KDM5A: variants seen among roughly 807,000 people sequenced by gnomAD.
KDM5A encodes the protein lysine-specific demethylase 5A.
In KDM5A, 42 loss-of-function variants were observed where a neutral mutation model predicts 193.5. The observed-to-expected ratio is 0.22, with a 90% CI of 0.17 to 0.28. The LOEUF is 0.28. KDM5A is among the 10% of genes least tolerant of loss of function. The probability of loss-of-function intolerance (pLI) is 1.00; values close to 1 mark genes in which losing one functional copy is unlikely to be tolerated. For missense variants in KDM5A, 1,692 were observed against 2,055.1 expected, an observed-to-expected ratio of 0.82 and a Z score of 3.42; for synonymous variants, 796 against 718.1, an observed-to-expected ratio of 1.11 and a Z score of -1.73.
chr12:352,196 C>T lies in KDM5A; in HGVS notation c.1149+9G>A, dbSNP rs956255751. Reference sequence around the variant, plus strand: ...CTCCCCGGACCGACCTAAAAGATAGCTTACTCACATGGACTGGCATATTAA... The same window carrying T: ...CTCCCCGGACCGACCTAAAAGATAGTTTACTCACATGGACTGGCATATTAA... On this transcript the variant is annotated intron_variant, in intron 9 of 27. Transcript: ENST00000399788. The T allele has an allele frequency of 4.2e-5, 67 of 1,586,172 alleles. No homozygotes were observed. Among genetic ancestry groups the T allele is most frequent in the Non-Finnish European group, 5.2e-5 (61 of 1,162,586 alleles).
At position 280,554 on chromosome 12, in the gene KDM5A, C is replaced by T. The variant is rs1943144611; in HGVS notation, c.*4902G>A. The T allele has an allele frequency of 4.3e-6, 1 of 233,024 alleles. No individual in the cohort carries two copies. Among genetic ancestry groups the T allele is most frequent in the Non-Finnish European group, 8.5e-6 (1 of 117,978 alleles). The allele number at this position is 233,024 out of a possible 1,614,324, so 14.4% of individuals were successfully genotyped here. A position where few individuals can be genotyped will look rare whatever the true frequency, so the allele number is the denominator to read the frequency against. On this transcript the variant is annotated 3_prime_UTR_variant, in exon 28 of 28. Transcript: ENST00000399788. ...AAGTCCACTGCAAGCAGAGTCTTAACATTTTCAGAAATGATCCGTCCTTCA... is the reference window on the plus strand; with the variant it reads ...AAGTCCACTGCAAGCAGAGTCTTAATATTTTCAGAAATGATCCGTCCTTCA...
rs1372656226 is a variant in KDM5A at position 305,977 on chromosome 12, T to TG, written c.4074+968_4074+969insC. On this transcript the variant is annotated intron_variant, in intron 24 of 27. Transcript: ENST00000399788. ...ACTCTAGCAATGGAAGTGTTTTTTT[T>TG]TTTTTTTTTTTTTTGAGACAAGGTC... is the stretch of plus-strand genomic sequence containing the variant. Among the ~76,000 whole-genome samples, 46 of 146,878 alleles carry TG rather than the reference T, an allele frequency of 3.1e-4. 2 individuals are homozygous for TG. The highest frequency in any genetic ancestry group is 1.6e-3 in the East Asian group (8 of 4,892).
chr12:296,896 G>T lies in KDM5A; in HGVS notation c.4234+145C>A, dbSNP rs995137957. 7.1e-6 allele frequency: 6 copies of T among 848,052 alleles called. No individual in the cohort carries two copies. The African/African-American group carries it at 8.5e-5, about 12-fold the overall frequency. The allele number at this position is 848,052 out of a possible 1,614,324, so 52.5% of individuals were successfully genotyped here. ...CAAACAGGGATTGGCTTTTCCAAAA[G>T]AAAACAGCATTTTCAGGTTCCATTA... On this transcript the variant is annotated intron_variant, in intron 25 of 27. Coordinates refer to ENST00000399788, the MANE Select transcript of KDM5A (RefSeq NM_001042603.3).
At chr12:290,836 AAG>A (rs1198236824) in intron 27 of KDM5A, among the ~76,000 whole-genome samples, 10 of 152,218 alleles carry the variant, frequency 6.6e-5, no homozygotes, top group Non-Finnish European at 1.2e-4. Flanking sequence ...GATAAGGAGA[AAG>A]AGTATAAAAA....
chr12:376,153 G>A (rs1190926072), intron 3 of KDM5A, among the ~76,000 whole-genome samples: 2 of 152,214 alleles, frequency 1.3e-5, no homozygotes, highest in South Asian at 2.1e-4. Context: ...ACTACCTTTT[G>A]TTTGGCCATG....
chr12:305,380 A>G (rs557562723), intron 24 of KDM5A, among the ~76,000 whole-genome samples: 1 of 152,324 alleles, frequency 6.6e-6, no homozygotes, highest in East Asian at 1.9e-4. Context: ...TTGAGAAAAA[A>G]TATTTCCCAG....
chr12:331,696 A>T, intron 13 of KDM5A, 123 bp downstream of exon 13: 1 of 956,364 alleles, frequency 1.0e-6, no homozygotes. Flanking sequence ...TAGCCACTCC[A>T]GTCTCCACTA....
At chr12:366,506 T>C (rs1211144584) in intron 3 of KDM5A, among the ~76,000 whole-genome samples, 1 of 151,954 alleles carries the variant, frequency 6.6e-6, no homozygotes, top group African/African-American at 2.4e-5. Flanking sequence ...AATCCTGAAA[T>C]TAGAAATAAC....
In KDM5A at chr12:285,317, G is replaced by C. The variant is rs1182161056; in HGVS notation, c.*139C>G. On this transcript the variant is annotated 3_prime_UTR_variant, in exon 28 of 28. Coordinates refer to ENST00000399788, the MANE Select transcript of KDM5A (RefSeq NM_001042603.3). ...CCCACAGAGTCCATGCAAAGAGGAAGCCAGCACTAAGGGGACTTTCTCTGA... is the reference window on the plus strand; with the variant it reads ...CCCACAGAGTCCATGCAAAGAGGAACCCAGCACTAAGGGGACTTTCTCTGA... 5 of 709,066 alleles carry C rather than the reference G, an allele frequency of 7.1e-6. No homozygotes were observed. The highest frequency in any genetic ancestry group is 1.2e-5 in the Non-Finnish European group (5 of 404,284). The allele number at this position is 709,066 out of a possible 1,614,324, so 43.9% of individuals were successfully genotyped here.
intron 10 of KDM5A, among the ~76,000 whole-genome samples, chr12:339,640 C>T (rs1943976252): frequency 6.6e-6 from 1 of 152,096 alleles, no homozygotes; most frequent in African/African-American, 2.4e-5. Flanking sequence ...ACAAGTTAAT[C>T]CAAAAACAAT....
In KDM5A at chr12:389,113, G is replaced by GCCCCC; in HGVS notation, c.-23_-22insGGGGG. On this transcript the variant is annotated 5_prime_UTR_variant, in exon 1 of 28. Transcript: ENST00000399788. ...CCATTGCAACGGCCGGGGGGGGGGG[G>GCCCCC]GGGTCCCCGTGGGGAACCGGTGGAG... is the stretch of plus-strand genomic sequence containing the variant. The GCCCCC allele has an allele frequency of 6.3e-7, 1 of 1,584,416 alleles. No homozygotes were observed. The highest frequency in any genetic ancestry group is 8.6e-7 in the Non-Finnish European group (1 of 1,160,400).
At chr12:376,898 A>T (rs987588744) in intron 3 of KDM5A, among the ~76,000 whole-genome samples, 2 of 152,236 alleles carry the variant, frequency 1.3e-5, no homozygotes, top group African/African-American at 4.8e-5. Flanking sequence ...GTGATAAGCC[A>T]AAACAATAAC....
chr12:325,021 T>G (rs1232736090), intron 14 of KDM5A, among the ~76,000 whole-genome samples: 1 of 152,240 alleles, frequency 6.6e-6, no homozygotes, highest in African/African-American at 2.4e-5. Context: ...ACTCTCTTCA[T>G]GTAAACAAGG....
chr12:388,810 T>A, intron 1 of KDM5A, 117 bp downstream of exon 1: 1 of 1,266,654 alleles, frequency 7.9e-7, no homozygotes, highest in Middle Eastern at 2.6e-4. Context: ...CAGGCTCCAG[T>A]TGTCTCAAAA....
intron 6 of KDM5A, among the ~76,000 whole-genome samples, chr12:355,874 A>G (rs1438541240): frequency 6.6e-6 from 1 of 152,232 alleles, no homozygotes; most frequent in East Asian, 1.9e-4. Context: ...AAACAGTTTT[A>G]TAATTGACAT....
At chr12:385,824 T>C in intron 2 of KDM5A, 73 bp downstream of exon 2, 1 of 1,132,090 alleles carries the variant, frequency 8.8e-7, no homozygotes. Context: ...TACATGAGCT[T>C]CTCAAAGTTC....
chr12:362,902 G>A (rs1284409592), intron 5 of KDM5A, 61 bp downstream of exon 5: 1 of 1,517,192 alleles, frequency 6.6e-7, no homozygotes, highest in African/African-American at 1.4e-5. Flanking sequence ...AGGCTAGCCT[G>A]GGCAACATCA....
At chr12:303,662 A>T (rs1248543400) in intron 24 of KDM5A, among the ~76,000 whole-genome samples, 19 of 152,194 alleles carry the variant, frequency 1.2e-4, no homozygotes, top group Admixed American at 1.1e-3. Flanking sequence ...ATACAAAAAA[A>T]ATTATGGTTA....
chr12:323,093 T>A lies in KDM5A; in HGVS notation c.2264A>T (p.Asn755Ile), dbSNP rs781263318. Residue 755 changes from asparagine (N) to isoleucine (I), a missense_variant, in exon 16 of 28, where the codon AAC (asparagine) becomes ATC (isoleucine). By Grantham distance (149) the Asn-to-Ile change is moderately radical. Coordinates refer to ENST00000399788, the MANE Select transcript of KDM5A (RefSeq NM_001042603.3). ...RVTEALSANF[N>I]HKKDLIELRV... is the part of the protein sequence containing the mutation. ...GAAGGAAATTTAACCTTTTTTGTGG[T>A]TGAAGTTAGCAGACAATGCTTCTGT... The A allele has an allele frequency of 1.2e-6, 2 of 1,612,820 alleles. No homozygotes were observed. Among genetic ancestry groups the A allele is most frequent in the South Asian group, 2.2e-5 (2 of 91,052 alleles).
Sources: gnomAD v4.1 joint callset for allele counts (sites outside exome capture counted in the v4.1 genomes callset) on GRCh38, gnomAD v4.1.1 for gene constraint, MANE v1.5 for transcripts, NCBI Gene and HGNC (gene_info 2026-07-23, HGNC 2026-07-21) for gene names.